The following EZH1 variants were observed in gnomAD, a reference collection of about 807,000 sequenced individuals.
EZH1 encodes enhancer of zeste 1 polycomb repressive complex 2 subunit, also known as histone-lysine N-methyltransferase EZH1.
In EZH1, 33 loss-of-function variants were observed where a neutral mutation model predicts 100.5. The ratio of observed to expected loss-of-function variants is 0.33; its 90% confidence interval spans 0.25 to 0.44. The LOEUF is 0.44. EZH1 is among the 20% of genes least tolerant of loss of function. The pLI, the probability that EZH1 is intolerant of heterozygous loss-of-function variation, is 1.00. For synonymous variants in EZH1, 272 were observed against 313.8 expected (o/e 0.87, Z 1.41); for missense variants, 475 against 928.4 (o/e 0.51, Z 6.35).
rs560333496 is a variant in EZH1, at chr17:42,720,222, T to C, written c.664+51A>G. 1.2e-5 allele frequency: 18 copies of C among 1,561,600 alleles called. No individual in the cohort carries two copies. In the African/African-American group the frequency reaches 1.8e-4, roughly 15 times the overall value. On this transcript the variant is annotated intron_variant, in intron 7 of 20. Transcript: ENST00000428826. ...ACAAATCTTTCCAGTTCTTCCTTCT[T>C]CCCTATCCCTGTCACTTTAAAAAAG...
chr17:42,709,127 AC>A (rs2053422350), intron 13 of EZH1: 2 of 587,234 alleles, frequency 3.4e-6, no homozygotes, highest in Admixed American at 5.9e-5. Context: ...CTTAAACACA[AC>A]CCCTCCCAAA....
chr17:42,709,843 T>A lies in EZH1; in HGVS notation c.1493+3A>T. The A allele has an allele frequency of 6.2e-7, 1 of 1,614,034 alleles. No homozygotes were observed. The highest frequency in any genetic ancestry group is 8.5e-7 in the Non-Finnish European group (1 of 1,179,872). On this transcript the variant is annotated splice_donor_region_variant and intron_variant, in intron 13 of 20. Transcript: ENST00000428826. The stretch of plus-strand genomic sequence containing the variant: ...ACAAAACACTTTGTCCAACCCTTCT[T>A]GCCTGTGCTTTCTTTTCTTCTTCTG...
chr17:42,736,573 G>A (rs767261803), intron 1 of EZH1, among the ~76,000 whole-genome samples: 16 of 152,178 alleles, frequency 1.1e-4, no homozygotes, highest in East Asian at 1.9e-4. Context: ...AGTGGCTCAC[G>A]CCTGTAATCC....
chr17:42,721,700 G>A (rs950032911), intron 6 of EZH1, among the ~76,000 whole-genome samples: 5 of 151,448 alleles, frequency 3.3e-5, no homozygotes, highest in African/African-American at 7.3e-5. Context: ...AAGAAAGAAA[G>A]AAAAAAAGAA....
intron 15 of EZH1, among the ~76,000 whole-genome samples, chr17:42,707,240 TAAA>T (rs966633602): frequency 1.4e-5 from 2 of 141,798 alleles, no homozygotes; most frequent in African/African-American, 2.6e-5. Context: ...GGCTGTAACT[TAAA>T]AAAAAAAAAA....
Position 42,706,291 on chromosome 17 carries a change from G to T in EZH1, c.1661-106C>A. On this transcript the variant is annotated intron_variant, in intron 15 of 20. Coordinates refer to ENST00000428826, the MANE Select transcript of EZH1 (RefSeq NM_001991.5). The surrounding 1 kb of genome is among the most constrained non-coding windows in gnomAD (Gnocchi z 4.4). ...AAGTAAATTTTTTGTGTTCAAGGATGTTTGGCAAAATAAGAGGAAGCTCCC... is the reference window on the plus strand; with the variant it reads ...AAGTAAATTTTTTGTGTTCAAGGATTTTTGGCAAAATAAGAGGAAGCTCCC... 9.4e-7 allele frequency: 1 copy of T among 1,064,512 alleles called. No homozygotes were observed. 65.9% of individuals were successfully genotyped at this position (1,064,512 alleles called of 1,614,324 possible). A position where few individuals can be genotyped will look rare whatever the true frequency, so the allele number is the denominator to read the frequency against.
Position 42,713,327 on chromosome 17 carries a change from C to T in EZH1, c.1086G>A (p.Arg362=). The T allele has an allele frequency of 6.2e-7, 1 of 1,612,462 alleles. No homozygotes were observed. The highest frequency in any genetic ancestry group is 8.5e-7 in the Non-Finnish European group (1 of 1,178,640). Residue 362 remains arginine, a synonymous_variant, in exon 11 of 21, where the codon CGG becomes CGA. Transcript: ENST00000428826. The part of the protein sequence containing the change: ...NPRSKCSGRR[R]RRHHIVSASC... ...AAGCACTGACTATGTGGTGCCTTCT[C>T]CGGCGACGACCAGAGCACTTGGAGC...
chr17:42,719,310 G>A, intron 7 of EZH1, 103 bp from the exon 8 acceptor site: 1 of 882,626 alleles, frequency 1.1e-6, no homozygotes, highest in South Asian at 1.4e-5. Flanking sequence ...GATTACAGCT[G>A]CTTTGTTAAC....
In EZH1 at chr17:42,709,759, G is replaced by C; in HGVS notation, c.1493+87C>G. 2.1e-5 allele frequency: 27 copies of C among 1,280,848 alleles called. No homozygotes were observed. The South Asian group carries it at 3.1e-4, about 15-fold the overall frequency. The allele number at this position is 1,280,848 out of a possible 1,614,324, so 79.3% of individuals were successfully genotyped here. A position where few individuals can be genotyped will look rare whatever the true frequency, so the allele number is the denominator to read the frequency against. On this transcript the variant is annotated intron_variant, in intron 13 of 20. Transcript: ENST00000428826. ...ACACAGCCTGTGCGGTTGCTAAAGAGGGAGGCAGATGGGAACTCCAAGGGG... is the reference window on the plus strand; with the variant it reads ...ACACAGCCTGTGCGGTTGCTAAAGACGGAGGCAGATGGGAACTCCAAGGGG...
chr17:42,724,623 A>G (rs1437430543), intron 4 of EZH1, 199 bp from the exon 5 acceptor site: 1 of 468,982 alleles, frequency 2.1e-6, no homozygotes, highest in African/African-American at 2.0e-5. Context: ...CTCTACAAAA[A>G]CATAATACAA....
intron 14 of EZH1, 68 bp downstream of exon 14, chr17:42,708,808 G>T: frequency 2.0e-6 from 3 of 1,527,974 alleles, no homozygotes; most frequent in Non-Finnish European, 2.7e-6. Context: ...GCTGGAGGTG[G>T]GGTAGGGTGA....
intron 7 of EZH1, among the ~76,000 whole-genome samples, chr17:42,719,570 C>G (rs1394473328): frequency 6.6e-6 from 1 of 152,094 alleles, no homozygotes; most frequent in Admixed American, 6.6e-5. Flanking sequence ...AACCCCAACT[C>G]TACTAAAAAT....
intron 6 of EZH1, among the ~76,000 whole-genome samples, chr17:42,721,825 C>T (rs577671314): frequency 2.0e-5 from 3 of 151,952 alleles, no homozygotes; most frequent in Admixed American, 6.6e-5. Flanking sequence ...GCCTGGGCAA[C>T]GTGGTGAGAC....
chr17:42,741,616 G>C (rs2054177358), intron 1 of EZH1, among the ~76,000 whole-genome samples: 2 of 152,222 alleles, frequency 1.3e-5, no homozygotes, highest in Admixed American at 6.5e-5. Context: ...GGAAGGAACT[G>C]TTGCCTACAG....
intron 20 of EZH1, 65 bp downstream of exon 20, chr17:42,702,812 C>A: frequency 6.4e-7 from 1 of 1,558,998 alleles, no homozygotes. Context: ...GCCCCCAAAT[C>A]TATTCCAACA....
At chr17:42,716,872 A>G (rs1016033126) in intron 10 of EZH1, among the ~76,000 whole-genome samples, 2 of 151,756 alleles carry the variant, frequency 1.3e-5, no homozygotes, top group South Asian at 2.1e-4. Flanking sequence ...TTAATTTTGT[A>G]TTTTCAGTAG....
rs1349813984 is a variant in EZH1, at chr17:42,719,341, G to C, written c.665-134C>G. The C allele has an allele frequency of 4.4e-6, 3 of 686,350 alleles. No individual in the cohort carries two copies. The African/African-American group carries it at 5.3e-5, about 12-fold the overall frequency. The allele number at this position is 686,350 out of a possible 1,614,324, so 42.5% of individuals were successfully genotyped here. A position where few individuals can be genotyped will look rare whatever the true frequency, so the allele number is the denominator to read the frequency against. On this transcript the variant is annotated intron_variant, in intron 7 of 20. Transcript: ENST00000428826. ...TTAACCTAACCACTGATTGTTTGGA[G>C]ATATATAAACATCAGTGCTATCTGG...
At chr17:42,702,720 GGC>G in intron 20 of EZH1, 128 bp from the exon 21 acceptor site, 1 of 1,265,824 alleles carries the variant, frequency 7.9e-7, no homozygotes, top group Non-Finnish European at 1.1e-6. Context: ...CCACTTCTGA[GGC>G]AAGGCACCAG....
intron 4 of EZH1, among the ~76,000 whole-genome samples, chr17:42,726,209 G>A (rs1668638545): frequency 8.5e-6 from 1 of 116,962 alleles, no homozygotes; most frequent in South Asian, 2.7e-4. Flanking sequence ...TTAAGAGACA[G>A]TCTCTTTTTT....
Sources: allele counts gnomAD v4.1 joint callset (sites outside exome capture counted in the v4.1 genomes callset), GRCh38; gene constraint gnomAD v4.1.1; non-coding constraint Gnocchi (gnomAD v3.1); transcripts MANE v1.5; gene names NCBI Gene and HGNC (gene_info 2026-07-23, HGNC 2026-07-21).